Variants in TNRC6A observed in about 807,000 individuals in gnomAD.
The protein encoded by TNRC6A is trinucleotide repeat containing adaptor 6A, also known as trinucleotide repeat-containing gene 6A protein.
A neutral mutation model predicts 221.2 loss-of-function variants in TNRC6A; 44 were observed. That is an observed-to-expected ratio of 0.20 (90% confidence interval 0.16 to 0.26). TNRC6A has a LOEUF of 0.26. TNRC6A is among the 10% of genes least tolerant of loss of function. The pLI is 1.00. For synonymous variants in TNRC6A, 847 were observed against 838.5 expected, an observed-to-expected ratio of 1.01 and a Z score of -0.18; for missense variants, 2,199 against 2,404.4, an observed-to-expected ratio of 0.91 and a Z score of 1.79.
At chr16:24,623,206 AT>A (rs368720787) in intron 1 of TNRC6A, among the ~76,000 whole-genome samples, 11 of 145,862 alleles carry the variant, frequency 7.5e-5, no homozygotes, top group South Asian at 2.1e-4. Context: ...TATTTTATTT[AT>A]TTTTTTTTTG....
rs547773368 is a variant in TNRC6A at position 24,774,387 on chromosome 16, A to G, written c.164-2546A>G. Among the ~76,000 whole-genome samples, 193 of 152,346 alleles carry G rather than the reference A, an allele frequency of 1.3e-3. 7 individuals are homozygous for G. In the South Asian group the frequency reaches 0.038, roughly 30 times the overall value. On this transcript the variant is annotated intron_variant, in intron 4 of 24. Coordinates refer to ENST00000395799, the MANE Select transcript of TNRC6A (RefSeq NM_014494.4). ...TTTCTGGCCCCGGAAATGAATACCT[A>G]TCTCAGCTTTGTATTCCACATGGTA...
chr16:24,804,299 C>T lies in TNRC6A; in HGVS notation c.3817C>T (p.Arg1273Cys), dbSNP rs373034911. 7 of 1,612,708 alleles carry T rather than the reference C, an allele frequency of 4.3e-6. No homozygotes were observed. Among genetic ancestry groups the T allele is most frequent in the Non-Finnish European group, 5.9e-6 (7 of 1,179,792 alleles). The change falls in exon 12 of 25, where the codon CGC becomes TGC. Residue 1273 changes from arginine to cysteine, a missense_variant. By Grantham distance (180) the Arg-to-Cys change is radical. Coordinates refer to ENST00000395799, the MANE Select transcript of TNRC6A (RefSeq NM_014494.4). ...GATTTCCAAAGAGTCTTCCATGGAGCGCAATCCTTATTTTGATAAGGTAAG... is the reference window on the plus strand; with the variant it reads ...GATTTCCAAAGAGTCTTCCATGGAGTGCAATCCTTATTTTGATAAGGTAAG... ...PQISKESSMERNPYFDKDGIV... is the reference protein window; with the variant it reads ...PQISKESSMECNPYFDKDGIV...
intron 2 of TNRC6A, among the ~76,000 whole-genome samples, chr16:24,687,949 CTTTTCTTTT>C (rs1272775478): frequency 7.9e-5 from 6 of 76,060 alleles, no homozygotes; most frequent in Non-Finnish European, 1.5e-4. Flanking sequence ...CTTTTCTTTT[CTTTTCTTTT>C]TTTTTTTTTT....
At chr16:24,722,534 A>T (rs1439475472) in intron 2 of TNRC6A, among the ~76,000 whole-genome samples, 2 of 152,034 alleles carry the variant, frequency 1.3e-5, no homozygotes, top group East Asian at 3.9e-4. Context: ...TCCCGGGTTC[A>T]AGTGATTCTC....
In TNRC6A at chr16:24,704,679, A is replaced by G. The variant is rs1196912505; in HGVS notation, n.403-46047A>G. ...GACTCCGTCTCAAAAAAAAAAAAAA[A>G]AAAAAAAAAAAAAAAGAAAGAAAAA... On this transcript the variant is annotated intron_variant and non_coding_transcript_variant, in intron 2 of 2. Transcript: ENST00000566108. Among the ~76,000 whole-genome samples, 353 of 148,556 alleles carry G rather than the reference A, an allele frequency of 2.4e-3. 2 individuals carry two copies. The highest frequency in any genetic ancestry group is 8.3e-3 in the African/African-American group (338 of 40,966).
intron 2 of TNRC6A, among the ~76,000 whole-genome samples, chr16:24,654,898 G>A (rs975687453): frequency 2.0e-5 from 3 of 151,918 alleles, no homozygotes; most frequent in Non-Finnish European, 1.5e-5. Flanking sequence ...ATTATTTCAC[G>A]GTAGATGGTA....
At chr16:24,818,502 C>A in intron 20 of TNRC6A, 91 bp from the exon 21 acceptor site, 2 of 953,816 alleles carry the variant, frequency 2.1e-6, no homozygotes, top group Non-Finnish European at 3.3e-6. Context: ...TTGTGGCATA[C>A]TGTTAGCTTT....
intron 1 of TNRC6A, among the ~76,000 whole-genome samples, chr16:24,623,813 G>A (rs993226497): frequency 1.8e-4 from 26 of 145,506 alleles, no homozygotes; most frequent in African/African-American, 6.3e-4. Context: ...AAGGTGGGAG[G>A]ATTGGTTGAG....
intron 10 of TNRC6A, 130 bp downstream of exon 10, chr16:24,797,700 C>T (rs537503954): frequency 4.4e-6 from 4 of 914,424 alleles, no homozygotes; most frequent in South Asian, 2.1e-5. Context: ...AGAGTAAAAT[C>T]GGCCTCCAAA....
At chr16:24,671,309 A>G (rs747138867) in intron 2 of TNRC6A, among the ~76,000 whole-genome samples, 3 of 152,210 alleles carry the variant, frequency 2.0e-5, no homozygotes, top group African/African-American at 4.8e-5. Flanking sequence ...TCATCGCTTA[A>G]GGTCTCCAGG....
In TNRC6A at chr16:24,823,721, A is replaced by G; in HGVS notation, c.5803A>G (p.Ser1935Gly). Residue 1935 changes from serine to glycine, a missense_variant, in exon 25 of 25, where the codon AGC becomes GGC. Transcript: ENST00000395799. This position sits in a 1 kb window ranked among gnomAD's most constrained non-coding sequence, Gnocchi z 4.3. The stretch of plus-strand genomic sequence containing the variant: ...AAGCCTGTGGGGTCCCCCAAGCAGC[A>G]GCGACCCCCGAGGAATTAGCAGCCC... ...STSLWGPPSS[S>G]DPRGISSPSP... 2 of 1,552,116 alleles carry G rather than the reference A, an allele frequency of 1.3e-6. No homozygotes were observed. The highest frequency in any genetic ancestry group is 1.7e-6 in the Non-Finnish European group (2 of 1,150,530).
chr16:24,730,334 C>T, intron 2 of TNRC6A, 34 bp downstream of exon 2: 1 of 1,600,366 alleles, frequency 6.2e-7, no homozygotes, highest in Non-Finnish European at 8.5e-7. Flanking sequence ...TCCCGCCCCA[C>T]GATAATCGTA....
At chr16:24,724,860 A>C (rs1409329779), upstream of TNRC6A, among the ~76,000 whole-genome samples, 1 of 152,080 alleles carries the variant, frequency 6.6e-6, no homozygotes, top group Non-Finnish European at 1.5e-5. Flanking sequence ...GCCTTGCCTA[A>C]AAAAAATACC....
At chr16:24,676,787 C>T (rs2055428515) in intron 2 of TNRC6A, among the ~76,000 whole-genome samples, 1 of 151,692 alleles carries the variant, frequency 6.6e-6, no homozygotes, top group Non-Finnish European at 1.5e-5. Flanking sequence ...CATTTGATCA[C>T]TCTCCTTCCT....
chr16:24,672,739 G>T (rs2055332337), intron 2 of TNRC6A, among the ~76,000 whole-genome samples: 2 of 151,036 alleles, frequency 1.3e-5, no homozygotes, highest in African/African-American at 4.9e-5. Flanking sequence ...GAGCCGCTGT[G>T]CCTGGCCTGT....
At chr16:24,701,591 C>T (rs1208640748) in intron 2 of TNRC6A, among the ~76,000 whole-genome samples, 1 of 151,858 alleles carries the variant, frequency 6.6e-6, no homozygotes, top group Non-Finnish European at 1.5e-5. Context: ...AGTCTGAACT[C>T]CTGACCTCAG....
In TNRC6A at chr16:24,620,127, G is replaced by A. The variant is rs566811996; in HGVS notation, n.276+9643G>A. The stretch of plus-strand genomic sequence containing the variant: ...ACTGCATTCCAGCCTGGGAGACAGA[G>A]CAAGACCCAGTTTCAAAAAAAAAAA... On this transcript the variant is annotated intron_variant and non_coding_transcript_variant, in intron 1 of 2. Coordinates refer to the TNRC6A transcript ENST00000566108. Among the ~76,000 whole-genome samples, 10 of 151,468 alleles carry A rather than the reference G, an allele frequency of 6.6e-5. No individual in the cohort carries two copies. In the East Asian group the frequency reaches 1.9e-3, roughly 29 times the overall value.
intron 4 of TNRC6A, among the ~76,000 whole-genome samples, chr16:24,762,071 C>T (rs773680870): frequency 2.4e-4 from 36 of 152,142 alleles, no homozygotes; most frequent in Admixed American, 5.9e-4. Context: ...ATGGGAAGCC[C>T]GGGGAGATCC....
chr16:24,757,109 G>A (rs2057268036), intron 3 of TNRC6A, among the ~76,000 whole-genome samples: 1 of 151,986 alleles, frequency 6.6e-6, no homozygotes, highest in Non-Finnish European at 1.5e-5. Flanking sequence ...TTGACTGGTT[G>A]TTTGGCATTG....
Sources: allele counts gnomAD v4.1 joint callset (sites outside exome capture counted in the v4.1 genomes callset), GRCh38; gene constraint gnomAD v4.1.1; non-coding constraint Gnocchi (gnomAD v3.1); transcripts MANE v1.5; gene names NCBI Gene and HGNC (gene_info 2026-07-23, HGNC 2026-07-21).